PRKN: variants seen among roughly 807,000 people sequenced by gnomAD.
The protein encoded by PRKN is parkin RBR E3 ubiquitin protein ligase.
In PRKN, 56 loss-of-function variants were observed where a neutral mutation model predicts 59.5. The observed-to-expected ratio is 0.94, with a 90% CI of 0.76 to 1.18. The LOEUF is 1.18. Ranked by LOEUF, PRKN falls within the 50% of genes most tolerant of loss-of-function variation. The probability of loss-of-function intolerance (pLI) is 0.00; values close to 1 mark genes in which losing one functional copy is unlikely to be tolerated. For missense variants in PRKN, 657 were observed against 596.4 expected, an observed-to-expected ratio of 1.10 and a Z score of -1.06; for synonymous variants, 250 against 222.1, an observed-to-expected ratio of 1.13 and a Z score of -1.12.
chr6:161,686,286 T>G (rs976250206), intron 7 of PRKN, among the ~76,000 whole-genome samples: 12 of 152,076 alleles, frequency 7.9e-5, no homozygotes, highest in African/African-American at 2.9e-4. Context: ...CAGCAATACT[T>G]TCATAGCTCT....
chr6:161,777,672 AAT>A (rs34611000), intron 7 of PRKN, among the ~76,000 whole-genome samples: 1 of 141,430 alleles, frequency 7.1e-6, no homozygotes, highest in African/African-American at 2.6e-5. Flanking sequence ...TATATATGAG[AAT>A]ATATATATAA....
In PRKN at chr6:161,488,647, G is replaced by A. The variant is rs1777428789; in HGVS notation, c.1083+60207C>T. ...ACTAAAGGCATGCACCACCACACCT[G>A]GCTAATTTTTAAAATTTTTTGTAGA... On this transcript the variant is annotated intron_variant, in intron 9 of 11. Coordinates refer to ENST00000366898, the MANE Select transcript of PRKN (RefSeq NM_004562.3). The surrounding 1 kb of genome is among the most constrained non-coding windows in gnomAD (Gnocchi z 4.5). 6.6e-6 allele frequency among the ~76,000 whole-genome samples: 1 copy of A among 152,038 alleles called. No homozygotes were observed. Among genetic ancestry groups the A allele is most frequent in the African/African-American group, 2.4e-5 (1 of 41,394 alleles).
rs987656240 is a variant in PRKN, at chr6:161,507,930, A to G, written c.1083+40924T>C. ...TCCAGGTTTATAATAGGTGCTCAAT[A>G]CATAATAGTAGATGAAATAAATGAC... On this transcript the variant is annotated intron_variant, in intron 9 of 11. Coordinates refer to ENST00000366898, the MANE Select transcript of PRKN (RefSeq NM_004562.3). 2.6e-5 allele frequency among the ~76,000 whole-genome samples: 4 copies of G among 152,154 alleles called. No homozygotes were observed. In the East Asian group the frequency reaches 7.7e-4, roughly 29 times the overall value.
At chr6:162,638,000 A>G (rs886363183) in intron 1 of PRKN, among the ~76,000 whole-genome samples, 1 of 152,070 alleles carries the variant, frequency 6.6e-6, no homozygotes, top group Non-Finnish European at 1.5e-5. Flanking sequence ...TCAATCCTAC[A>G]ATATAACGAA....
chr6:162,199,657 T>G (rs1367631862), intron 4 of PRKN, among the ~76,000 whole-genome samples: 1 of 152,180 alleles, frequency 6.6e-6, no homozygotes, highest in East Asian at 1.9e-4. Flanking sequence ...GCAGGAGAGC[T>G]GCCCAAGAAC....
rs1217500641 is a variant in PRKN at position 161,640,360 on chromosome 6, G to A, written c.872-70944C>T. Among the ~76,000 whole-genome samples the A allele has an allele frequency of 2.0e-5, 3 of 152,202 alleles. No homozygotes were observed. The East Asian group carries it at 5.8e-4, about 29-fold the overall frequency. On this transcript the variant is annotated intron_variant, in intron 7 of 11. Coordinates refer to ENST00000366898, the MANE Select transcript of PRKN (RefSeq NM_004562.3). ...AGTGAAAATTCCAAAACTTTATGGAGCATTTTAGTTTTATGTGGTCTGGAA... is the reference window on the plus strand; with the variant it reads ...AGTGAAAATTCCAAAACTTTATGGAACATTTTAGTTTTATGTGGTCTGGAA...
At chr6:161,680,726 C>CATATATAT (rs56954052) in intron 7 of PRKN, among the ~76,000 whole-genome samples, 29 of 50,974 alleles carry the variant, frequency 5.7e-4, no homozygotes, top group Non-Finnish European at 6.8e-4. Flanking sequence ...TCCTGAAATA[C>CATATATAT]ATATATATAT....
At chr6:162,469,928 G>A (rs1248492642) in intron 1 of PRKN, among the ~76,000 whole-genome samples, 5 of 152,094 alleles carry the variant, frequency 3.3e-5, no homozygotes, top group Non-Finnish European at 5.9e-5. Flanking sequence ...AGAGAAGGAG[G>A]GAGCTAACTG....
At chr6:162,076,387 T>C (rs546533719) in intron 4 of PRKN, among the ~76,000 whole-genome samples, 7 of 150,322 alleles carry the variant, frequency 4.7e-5, no homozygotes, top group African/African-American at 1.2e-4. Context: ...TGTTTTAACA[T>C]GGTCTGGTTT....
chr6:162,468,758 C>T (rs112401074), intron 1 of PRKN, among the ~76,000 whole-genome samples: 94 of 152,316 alleles, frequency 6.2e-4, no homozygotes, highest in African/African-American at 2.0e-3. Context: ...GGTCTCTTAC[C>T]TAGAAGGGTG....
intron 1 of PRKN, among the ~76,000 whole-genome samples, chr6:162,527,794 T>C (rs1778348921): frequency 6.6e-6 from 1 of 152,076 alleles, no homozygotes; most frequent in Non-Finnish European, 1.5e-5. Flanking sequence ...CATCAGGCGC[T>C]TTACATACAG....
In PRKN at chr6:161,354,455, C is replaced by G. The variant is rs1784677963; in HGVS notation, c.1286-4244G>C. On this transcript the variant is annotated intron_variant, in intron 11 of 11. Coordinates refer to ENST00000366898, the MANE Select transcript of PRKN (RefSeq NM_004562.3). This position sits in a 1 kb window ranked among gnomAD's most constrained non-coding sequence, Gnocchi z 6.7. ...CTAGATTTAATGAGAGCGTGGAAGT[C>G]CCTGAACAACCTGAAGGCACATTTG... 6.6e-6 allele frequency among the ~76,000 whole-genome samples: 1 copy of G among 152,158 alleles called. No homozygotes were observed. Among genetic ancestry groups the G allele is most frequent in the Non-Finnish European group, 1.5e-5 (1 of 68,046 alleles).
rs146279398 is a variant in PRKN, at chr6:162,337,483, T to G, written c.172-74718A>C. 1.5e-3 allele frequency among the ~76,000 whole-genome samples: 222 copies of G among 152,364 alleles called. 2 individuals are homozygous for G. The highest frequency in any genetic ancestry group is 5.0e-3 in the African/African-American group (209 of 41,592). On this transcript the variant is annotated intron_variant, in intron 2 of 11. Coordinates refer to ENST00000366898, the MANE Select transcript of PRKN (RefSeq NM_004562.3). ...AAATGTGTGATGAATGTCACTACAT[T>G]AGCACGTAATAGATAATCCAAGTTA...
At chr6:161,977,358 TG>T (rs957372767) in intron 5 of PRKN, among the ~76,000 whole-genome samples, 2 of 152,136 alleles carry the variant, frequency 1.3e-5, no homozygotes, top group African/African-American at 4.8e-5. Flanking sequence ...ATTCTACAGG[TG>T]CAGTGGTTTT....
At chr6:162,184,675 C>T (rs113094556) in intron 4 of PRKN, among the ~76,000 whole-genome samples, 6,063 of 152,136 alleles carry the variant, frequency 0.04, 173 homozygotes, top group Non-Finnish European at 0.055. Context: ...ACCCGGTCTC[C>T]GGTATTTCTT....
chr6:162,276,180 C>A (rs190580673), intron 2 of PRKN, among the ~76,000 whole-genome samples: 6 of 152,068 alleles, frequency 3.9e-5, no homozygotes, highest in Non-Finnish European at 4.4e-5. Flanking sequence ...CCATTCAAAC[C>A]GAGGAGTAGA....
At chr6:161,591,955 A>T (rs1781741349) in intron 7 of PRKN, among the ~76,000 whole-genome samples, 1 of 152,232 alleles carries the variant, frequency 6.6e-6, no homozygotes, top group African/African-American at 2.4e-5. Flanking sequence ...TATTGATTCC[A>T]CTACTCCTTT....
rs76645778 is a variant in PRKN, at chr6:161,506,789, G to C, written c.1083+42065C>G. ...CATTTAATTCTTTACAGATAAGTGT[G>C]ATATGGCTGTCCCAAAAAGCTTGCT... On this transcript the variant is annotated intron_variant, in intron 9 of 11. Transcript: ENST00000366898. Among the ~76,000 whole-genome samples the C allele has an allele frequency of 7.4e-4, 112 of 152,324 alleles. No homozygotes were observed. The East Asian group carries it at 0.013, about 17-fold the overall frequency.
At chr6:162,396,578 G>A (rs940732390) in intron 2 of PRKN, among the ~76,000 whole-genome samples, 2 of 152,110 alleles carry the variant, frequency 1.3e-5, no homozygotes, top group Admixed American at 1.3e-4. Flanking sequence ...CCTGGAGCCC[G>A]AGGTCCCACA....
Sources: gnomAD v4.1 joint callset for allele counts (sites outside exome capture counted in the v4.1 genomes callset) on GRCh38, gnomAD v4.1.1 for gene constraint, Gnocchi (gnomAD v3.1) non-coding constraint, MANE v1.5 for transcripts, NCBI Gene and HGNC (gene_info 2026-07-23, HGNC 2026-07-21) for gene names.